The following LYN variants were observed in gnomAD, a reference collection of about 807,000 sequenced individuals.
The protein encoded by LYN is LYN proto-oncogene, Src family tyrosine kinase.
A neutral mutation model predicts 65.0 loss-of-function variants in LYN; 12 were observed. The ratio of observed to expected loss-of-function variants is 0.18; its 90% confidence interval spans 0.12 to 0.30. LYN has a LOEUF of 0.30. LYN is among the 10% of genes least tolerant of loss of function. The probability of loss-of-function intolerance (pLI) is 1.00; values close to 1 mark genes in which losing one functional copy is unlikely to be tolerated. For synonymous variants in LYN, 222 were observed against 221.2 expected (o/e 1.00, Z -0.03); for missense variants, 380 against 623.2 (o/e 0.61, Z 4.16).
intron 1 of LYN, among the ~76,000 whole-genome samples, chr8:55,912,000 T>A (rs948348682): frequency 2.6e-5 from 4 of 152,108 alleles, no homozygotes; most frequent in African/African-American, 9.7e-5. Context: ...TTCTACCACG[T>A]CCCTTCTAGC....
intron 10 of LYN, among the ~76,000 whole-genome samples, chr8:55,974,547 G>A (rs368445189): frequency 5.9e-5 from 9 of 152,174 alleles, no homozygotes; most frequent in African/African-American, 1.7e-4. Context: ...AGAAAACAGT[G>A]TATAGATTGG....
At chr8:55,964,981 G>A (rs1464966499) in intron 8 of LYN, among the ~76,000 whole-genome samples, 1 of 152,102 alleles carries the variant, frequency 6.6e-6, no homozygotes, top group Non-Finnish European at 1.5e-5. Context: ...CAGGCAGCAG[G>A]AACTGCAGGA....
intron 10 of LYN, among the ~76,000 whole-genome samples, chr8:55,977,177 C>T (rs1336966344): frequency 6.6e-6 from 1 of 151,768 alleles, no homozygotes; most frequent in African/African-American, 2.4e-5. Context: ...AAGAGCAAGA[C>T]TCTGTCTCAA....
chr8:55,934,182 T>C (rs111313187), intron 1 of LYN, among the ~76,000 whole-genome samples: 17,086 of 152,068 alleles, frequency 0.11, 1,237 homozygotes, highest in Middle Eastern at 0.29. Flanking sequence ...GCCGAGATTG[T>C]GCCATTGCAC....
chr8:55,987,208 T>C (rs1168087560), intron 10 of LYN, among the ~76,000 whole-genome samples: 1 of 151,734 alleles, frequency 6.6e-6, no homozygotes, highest in Non-Finnish European at 1.5e-5. Context: ...AGATCAGGAG[T>C]TCGAGACCAC....
At chr8:55,960,459 C>T (rs1000347706) in intron 8 of LYN, among the ~76,000 whole-genome samples, 23 of 152,122 alleles carry the variant, frequency 1.5e-4, no homozygotes, top group Non-Finnish European at 2.1e-4. Context: ...CTGAGTTTGC[C>T]TGTCAGTCAG....
At position 56,010,396 on chromosome 8, in the gene LYN, A is replaced by G. The variant is rs1810907403; in HGVS notation, c.*286A>G. 2.4e-6 allele frequency: 1 copy of G among 419,078 alleles called. No individual in the cohort carries two copies. 26.0% of individuals were successfully genotyped at this position (419,078 alleles called of 1,614,324 possible). On this transcript the variant is annotated 3_prime_UTR_variant, in exon 13 of 13. Transcript: ENST00000519728. ...GCAGCCGTTTGAGAAGAAAACATCT[A>G]TTCTCTCCAAAAATGCACCCAACTA...
chr8:55,916,552 T>C (rs1037886932), intron 1 of LYN, among the ~76,000 whole-genome samples: 2 of 152,176 alleles, frequency 1.3e-5, no homozygotes, highest in African/African-American at 4.8e-5. Flanking sequence ...CTGCAACAAC[T>C]GTTTTAGATG....
In LYN at chr8:55,909,021, ACACACACACACACAC is replaced by A. The variant is rs1259181528; in HGVS notation, c.-6+28919_-6+28933del. 7.5e-5 allele frequency among the ~76,000 whole-genome samples: 3 copies of A among 39,842 alleles called. No individual in the cohort carries two copies. In the East Asian group the frequency reaches 1.8e-3, roughly 24 times the overall value. The allele number at this position is 39,842 out of a possible 152,430, so 26.1% of individuals were successfully genotyped here. A position where few individuals can be genotyped will look rare whatever the true frequency, so the allele number is the denominator to read the frequency against. On this transcript the variant is annotated intron_variant, in intron 1 of 12. Coordinates refer to ENST00000519728, the MANE Select transcript of LYN (RefSeq NM_002350.4). ...TATATATATATATATACACACACAC[ACACACACACACACAC>A]ACACACACACACACACCCCACATTT...
chr8:55,951,923 A>G (rs1444005433), intron 6 of LYN, 43 bp from the exon 7 acceptor site: 3 of 1,553,462 alleles, frequency 1.9e-6, no homozygotes, highest in South Asian at 2.3e-5. Context: ...TGCAGATCTT[A>G]TTTGTGAGAT....
rs1808846020 is a variant in LYN at position 56,012,537 on chromosome 8, A to C, written c.*2427A>C. The C allele has an allele frequency of 6.4e-6, 1 of 157,344 alleles. No individual in the cohort carries two copies. The highest frequency in any genetic ancestry group is 6.5e-5 in the Admixed American group (1 of 15,370). 9.7% of individuals were successfully genotyped at this position (157,344 alleles called of 1,614,324 possible). On this transcript the variant is annotated 3_prime_UTR_variant, in exon 13 of 13. Transcript: ENST00000519728. ...TCAGGAGTTAGACACCAGCCTGAGC[A>C]ATATAGCAAGTCTCTACAAAAAATT...
intron 12 of LYN, among the ~76,000 whole-genome samples, chr8:56,000,616 T>C (rs1409537439): frequency 6.6e-6 from 1 of 150,608 alleles, no homozygotes; most frequent in African/African-American, 2.4e-5. Context: ...TAATCCCACC[T>C]ACTTGGGAGG....
intron 1 of LYN, among the ~76,000 whole-genome samples, chr8:55,890,131 A>AT (rs1804913760): frequency 1.3e-5 from 2 of 150,106 alleles, no homozygotes; most frequent in Non-Finnish European, 3.0e-5. Flanking sequence ...AAAAAAAAAA[A>AT]AAAAAAAGAA....
intron 10 of LYN, among the ~76,000 whole-genome samples, chr8:55,975,444 T>G (rs1352952858): frequency 2.6e-5 from 4 of 152,230 alleles, no homozygotes; most frequent in Non-Finnish European, 5.9e-5. Flanking sequence ...ATTGCATGAC[T>G]AAGGACATCT....
chr8:55,923,137 A>G (rs60741728), intron 1 of LYN, among the ~76,000 whole-genome samples: 6,904 of 152,296 alleles, frequency 0.045, 187 homozygotes, highest in African/African-American at 0.081. Flanking sequence ...AACAATTTTC[A>G]GTAAGGAAGA....
intron 1 of LYN, among the ~76,000 whole-genome samples, chr8:55,939,471 A>AGC (rs955613678): frequency 1.3e-5 from 2 of 151,796 alleles, no homozygotes; most frequent in African/African-American, 4.8e-5. Flanking sequence ...GAAGAGAGAG[A>AGC]GAGAGAGAGA....
chr8:55,908,975 A>C (rs1805506960), intron 1 of LYN, among the ~76,000 whole-genome samples: 1 of 118,108 alleles, frequency 8.5e-6, no homozygotes. Context: ...GCTGAATGGT[A>C]TTCCATTGTG....
intron 1 of LYN, among the ~76,000 whole-genome samples, chr8:55,892,684 G>A (rs987346094): frequency 1.3e-5 from 2 of 152,008 alleles, no homozygotes; most frequent in Non-Finnish European, 2.9e-5. Flanking sequence ...CTGGGATTAC[G>A]AGCATGAGCC....
At chr8:55,964,366 C>T (rs1454800519) in intron 8 of LYN, among the ~76,000 whole-genome samples, 1 of 151,928 alleles carries the variant, frequency 6.6e-6, no homozygotes, top group Non-Finnish European at 1.5e-5. Context: ...CCTCATTTTT[C>T]TATAGAGCAC....
Sources: gnomAD v4.1 joint callset for allele counts (sites outside exome capture counted in the v4.1 genomes callset) on GRCh38, gnomAD v4.1.1 for gene constraint, MANE v1.5 for transcripts, NCBI Gene and HGNC (gene_info 2026-07-23, HGNC 2026-07-21) for gene names.